Variants in CCDC85C observed in about 807,000 individuals in gnomAD.
CCDC85C encodes coiled-coil domain-containing protein 85C.
In CCDC85C, 18 loss-of-function variants were observed where a neutral mutation model predicts 38.3. The observed-to-expected ratio is 0.47, with a 90% CI of 0.33 to 0.70. CCDC85C has a LOEUF of 0.70. CCDC85C is among the 30% of genes least tolerant of loss of function. The probability of loss-of-function intolerance (pLI) is 0.03; values close to 1 mark genes in which losing one functional copy is unlikely to be tolerated. For missense variants in CCDC85C, 566 were observed against 621.2 expected, an observed-to-expected ratio of 0.91 and a Z score of 0.94; for synonymous variants, 264 against 293.8, an observed-to-expected ratio of 0.90 and a Z score of 1.04.
chr14:99,564,774 C>A (rs1308253928), intron 1 of CCDC85C, among the ~76,000 whole-genome samples: 1 of 152,238 alleles, frequency 6.6e-6, no homozygotes, highest in Non-Finnish European at 1.5e-5. Flanking sequence ...GGCCCCTTGG[C>A]AACCGTCCAA....
At chr14:99,573,056 G>A (rs1898389463) in intron 1 of CCDC85C, 1 of 331,850 alleles carries the variant, frequency 3.0e-6, no homozygotes, top group Non-Finnish European at 6.0e-6. Context: ...TGCTAAAAAT[G>A]AGAGGGGACA....
intron 2 of CCDC85C, among the ~76,000 whole-genome samples, chr14:99,531,080 G>A (rs1480782087): frequency 1.3e-5 from 2 of 152,188 alleles, no homozygotes; most frequent in African/African-American, 4.8e-5. Flanking sequence ...TGCCTAGTGT[G>A]AATTCTGGGT....
intron 1 of CCDC85C, among the ~76,000 whole-genome samples, chr14:99,540,291 G>A (rs1465789547): frequency 2.0e-5 from 3 of 152,152 alleles, no homozygotes; most frequent in Non-Finnish European, 4.4e-5. Context: ...AGGCTGCCAG[G>A]AGCCAGTGAG....
chr14:99,522,289 G>T, intron 2 of CCDC85C, 49 bp from the exon 3 acceptor site: 1 of 1,396,866 alleles, frequency 7.2e-7, no homozygotes, highest in Non-Finnish European at 9.8e-7. Context: ...AGGCTGAGGA[G>T]GACAAGGGCC....
At chr14:99,563,956 G>C (rs913791661) in intron 1 of CCDC85C, among the ~76,000 whole-genome samples, 1 of 152,292 alleles carries the variant, frequency 6.6e-6, no homozygotes, top group Admixed American at 6.5e-5. Flanking sequence ...TTCAAGCATC[G>C]CTTCAAGTAA....
At chr14:99,517,757 T>TTGG (rs1897249441) in intron 3 of CCDC85C, among the ~76,000 whole-genome samples, 1 of 152,290 alleles carries the variant, frequency 6.6e-6, no homozygotes, top group East Asian at 1.9e-4. Flanking sequence ...ACCCAGCCTC[T>TTGG]GTCAGAAGCT....
At chr14:99,547,561 G>T (rs1325227619) in intron 1 of CCDC85C, among the ~76,000 whole-genome samples, 1 of 152,060 alleles carries the variant, frequency 6.6e-6, no homozygotes, top group African/African-American at 2.4e-5. Context: ...ATCACCTGAC[G>T]CCAGGAGTTC....
In CCDC85C at chr14:99,603,289, G is replaced by A. The variant is rs866814055; in HGVS notation, c.671C>T (p.Pro224Leu). The change falls in exon 1 of 6, where the codon CCA (proline) becomes CTA (leucine). Residue 224 changes from proline (P) to leucine (L), a missense_variant. Pro to Leu is a moderately conservative substitution (Grantham distance 98). Around this residue, in one of 3 missense-constraint regions of CCDC85C, gnomAD observed 286 missense variants for 276.4 expected, o/e 1.03. Coordinates refer to ENST00000380243, the MANE Select transcript of CCDC85C (RefSeq NM_001144995.2). This position sits in a 1 kb window ranked among gnomAD's most constrained non-coding sequence, Gnocchi z 7.5. ...GGSPDHHHHV[P>L]PPLLPPGPHK... ...CGGCCCGGGGGGCAGCAGCGGGGGT[G>A]GGACGTGGTGGTGGTGGTCGGGGCT... is the stretch of plus-strand genomic sequence containing the variant. 7.3e-6 allele frequency: 10 copies of A among 1,376,828 alleles called. No homozygotes were observed. Among genetic ancestry groups the A allele is most frequent in the Middle Eastern group, 2.5e-4 (1 of 3,950 alleles). 85.3% of individuals were successfully genotyped at this position (1,376,828 alleles called of 1,614,324 possible). A position where few individuals can be genotyped will look rare whatever the true frequency, so the allele number is the denominator to read the frequency against.
At position 99,502,660 on chromosome 14, in the gene CCDC85C, G is replaced by C. The variant is rs1035122250; in HGVS notation, c.*12586C>G. 26 of 1,512,578 alleles carry C rather than the reference G, an allele frequency of 1.7e-5. 1 individual carries two copies. Among genetic ancestry groups the C allele is most frequent in the South Asian group, 1.1e-4 (10 of 87,066 alleles). The allele number at this position is 1,512,578 out of a possible 1,614,324, so 93.7% of individuals were successfully genotyped here. On this transcript the variant is annotated 3_prime_UTR_variant, in exon 6 of 6. Transcript: ENST00000380243. Reference sequence around the variant, plus strand: ...GGTATCATAACTGATTCTTTATCCAGGTAAAATTTTATTTAAAATACCAAT... The same window carrying C: ...GGTATCATAACTGATTCTTTATCCACGTAAAATTTTATTTAAAATACCAAT...
intron 3 of CCDC85C, among the ~76,000 whole-genome samples, 182 bp downstream of exon 3, chr14:99,521,951 G>A (rs950582750): frequency 6.6e-6 from 1 of 152,258 alleles, no homozygotes; most frequent in Non-Finnish European, 1.5e-5. Context: ...ACCTCCAGCA[G>A]TGTCAACCCA....
chr14:99,556,721 C>T (rs575420154), intron 1 of CCDC85C, among the ~76,000 whole-genome samples: 1 of 152,182 alleles, frequency 6.6e-6, no homozygotes, highest in Non-Finnish European at 1.5e-5. Flanking sequence ...TTGTAAAAGT[C>T]TCACTATGTT....
At position 99,507,341 on chromosome 14, in the gene CCDC85C, C is replaced by T. The variant is rs1046910736; in HGVS notation, c.*7905G>A. 2.1e-5 allele frequency: 12 copies of T among 576,394 alleles called. No homozygotes were observed. The highest frequency in any genetic ancestry group is 2.0e-4 in the Admixed American group (7 of 34,258). The allele number at this position is 576,394 out of a possible 1,614,324, so 35.7% of individuals were successfully genotyped here. A position where few individuals can be genotyped will look rare whatever the true frequency, so the allele number is the denominator to read the frequency against. ...TTTTTGATCCCAGCACTTTGGGAGG[C>T]GGAGGCAGGAGAATCACCTGACCCC... On this transcript the variant is annotated 3_prime_UTR_variant, in exon 6 of 6. Coordinates refer to ENST00000380243, the MANE Select transcript of CCDC85C (RefSeq NM_001144995.2).
intron 1 of CCDC85C, among the ~76,000 whole-genome samples, chr14:99,567,226 G>C (rs1215396382): frequency 6.6e-6 from 1 of 151,972 alleles, no homozygotes; most frequent in Non-Finnish European, 1.5e-5. Context: ...ACATTCACAA[G>C]TCACCCTAAA....
intron 1 of CCDC85C, among the ~76,000 whole-genome samples, chr14:99,591,218 A>T (rs1421128028): frequency 6.6e-6 from 1 of 152,206 alleles, no homozygotes; most frequent in African/African-American, 2.4e-5. Flanking sequence ...CCTCATTTCG[A>T]GAACAAGGTG....
chr14:99,562,338 C>T (rs910791056), intron 1 of CCDC85C, among the ~76,000 whole-genome samples: 4 of 152,312 alleles, frequency 2.6e-5, no homozygotes, highest in Non-Finnish European at 4.4e-5. Context: ...CAGCCAGTTT[C>T]ACCCTTCTAC....
At position 99,510,192 on chromosome 14, in the gene CCDC85C, G is replaced by A. The variant is rs1241798953; in HGVS notation, c.*5054C>T. On this transcript the variant is annotated 3_prime_UTR_variant, in exon 6 of 6. Transcript: ENST00000380243. ...TCCCCTCGCTGCTGCCTTAGGTGAG[G>A]CTGAGCCGCCGGGCCCTGTGGATGC... is the stretch of plus-strand genomic sequence containing the variant. The A allele has an allele frequency of 6.3e-7, 1 of 1,598,454 alleles. No homozygotes were observed.
rs1035376015 is a variant in CCDC85C, at chr14:99,545,730, C to A, written c.794-9642G>T. Among the ~76,000 whole-genome samples, 2 of 152,180 alleles carry A rather than the reference C, an allele frequency of 1.3e-5. No individual in the cohort carries two copies. Among genetic ancestry groups the A allele is most frequent in the African/African-American group, 4.8e-5 (2 of 41,440 alleles). ...CACCACACAGCGGTCACATCACATTCAGCCTGCAGCTCCCAGCATCAGGCT... is the reference window on the plus strand; with the variant it reads ...CACCACACAGCGGTCACATCACATTAAGCCTGCAGCTCCCAGCATCAGGCT... On this transcript the variant is annotated intron_variant, in intron 1 of 5. Coordinates refer to ENST00000380243, the MANE Select transcript of CCDC85C (RefSeq NM_001144995.2). The surrounding 1 kb of genome is among the most constrained non-coding windows in gnomAD (Gnocchi z 4.7).
chr14:99,566,961 G>T (rs1418640844), intron 1 of CCDC85C, among the ~76,000 whole-genome samples: 1 of 152,186 alleles, frequency 6.6e-6, no homozygotes, highest in Non-Finnish European at 1.5e-5. Flanking sequence ...ATAACATCCA[G>T]TACACCCAGA....
In CCDC85C at chr14:99,500,722, C is replaced by A; in HGVS notation, c.*14524G>T. On this transcript the variant is annotated 3_prime_UTR_variant, in exon 6 of 6. Coordinates refer to ENST00000380243, the MANE Select transcript of CCDC85C (RefSeq NM_001144995.2). The stretch of plus-strand genomic sequence containing the variant: ...TCACTTTTGTAATGCTGCTTGAGAC[C>A]TGCAATTGTAATTACTGTCCTAACA... The A allele has an allele frequency of 8.1e-7, 1 of 1,230,210 alleles. No homozygotes were observed. Among genetic ancestry groups the A allele is most frequent in the Non-Finnish European group, 1.2e-6 (1 of 853,456 alleles). The allele number at this position is 1,230,210 out of a possible 1,614,324, so 76.2% of individuals were successfully genotyped here. A position where few individuals can be genotyped will look rare whatever the true frequency, so the allele number is the denominator to read the frequency against.
Sources: gnomAD v4.1 joint callset for allele counts (sites outside exome capture counted in the v4.1 genomes callset) on GRCh38, gnomAD v4.1.1 for gene constraint, gnomAD v4.1.1 regional missense constraint, Gnocchi (gnomAD v3.1) non-coding constraint, MANE v1.5 for transcripts, NCBI Gene and HGNC (gene_info 2026-07-23, HGNC 2026-07-21) for gene names.